Variants in FAT1 observed in about 807,000 individuals in gnomAD.
FAT1 encodes FAT atypical cadherin 1.
In FAT1, 171 loss-of-function variants were observed where a neutral mutation model predicts 329.8. That is an observed-to-expected ratio of 0.52 (90% CI 0.46 to 0.59). The LOEUF is 0.59. FAT1 is among the 20% of genes least tolerant of loss of function. The pLI is 0.00. For missense variants in FAT1, 5,672 were observed against 5,774.4 expected, an observed-to-expected ratio of 0.98 and a Z score of 0.57; for synonymous variants, 2,233 against 2,228.6, an observed-to-expected ratio of 1.00 and a Z score of -0.06.
chr4:186,598,178 C>A (rs188747847), intron 22 of FAT1, 53 bp from the exon 23 acceptor site: 1 of 1,483,448 alleles, frequency 6.7e-7, no homozygotes, highest in Non-Finnish European at 9.1e-7. Flanking sequence ...ACTCAGAAAC[C>A]TGGTCTTAAT....
chr4:186,622,281 C>T (rs1740083225), intron 9 of FAT1, among the ~76,000 whole-genome samples: 1 of 152,210 alleles, frequency 6.6e-6, no homozygotes, highest in Non-Finnish European at 1.5e-5. Flanking sequence ...TGTAACCCAC[C>T]CCACTTTACA....
In FAT1 at chr4:186,633,800, C is replaced by A. The variant is rs560351512; in HGVS notation, c.4207G>T (p.Asp1403Tyr). The A allele has an allele frequency of 6.2e-7, 1 of 1,613,856 alleles. No individual in the cohort carries two copies. Among genetic ancestry groups the A allele is most frequent in the South Asian group, 1.1e-5 (1 of 91,078 alleles). ...ATGGTTCCAGTTCCCTTGTCCACAT[C>A]GAAGTGACTGTCGTAGTTGCCACCT... ...ITGGNYDSHF[D>Y]VDKGTGTIIV... is the part of the protein sequence containing the mutation. The change falls in exon 7 of 27, where the codon GAT (aspartate) becomes TAT (tyrosine). Residue 1403 changes from aspartate to tyrosine, a missense_variant. Physicochemically the swap from Asp to Tyr is radical, Grantham distance 160. Coordinates refer to ENST00000441802, the MANE Select transcript of FAT1 (RefSeq NM_005245.4).
At chr4:186,656,885 A>C (rs1293782757) in intron 3 of FAT1, among the ~76,000 whole-genome samples, 4 of 152,242 alleles carry the variant, frequency 2.6e-5, no homozygotes, top group Admixed American at 2.6e-4. Flanking sequence ...TGGCACTTCT[A>C]AACTTAAAAA....
At chr4:186,689,560 A>AACATCACAAGAATTGCTTC (rs367996327) in intron 2 of FAT1, among the ~76,000 whole-genome samples, 3,280 of 152,316 alleles carry the variant, frequency 0.022, 113 homozygotes, top group African/African-American at 0.074. Context: ...ACACTCGCTT[A>AACATCACAAGAATTGCTTC]ACATCACAAG....
upstream of FAT1, chr4:186,726,678 C>G (rs327088): frequency 0.41 from 62,139 of 152,084 alleles, 16,105 homozygotes; most frequent in African/African-American, 0.74. Flanking sequence ...GTTGCGGCCG[C>G]CGGCTGCGGC....
In FAT1 at chr4:186,602,931, A is replaced by G. The variant is rs1738885170; in HGVS notation, c.11454T>C (p.Cys3818=). The G allele has an allele frequency of 6.2e-7, 1 of 1,613,852 alleles. No homozygotes were observed. Among genetic ancestry groups the G allele is most frequent in the Admixed American group, 1.7e-5 (1 of 60,006 alleles). Residue 3818 remains cysteine (C), a synonymous_variant, in exon 20 of 27, where the codon TGT becomes TGC. Coordinates refer to ENST00000441802, the MANE Select transcript of FAT1 (RefSeq NM_005245.4). ...GGCACTGACCAAACCTGCCGCTGGG[A>G]CAGACACAGGTGTGTTTCTCCTCCC... ...DPWEEKHTCV[C]PSGRFGQCPG...
chr4:186,642,445 A>C (rs974804181), intron 3 of FAT1, among the ~76,000 whole-genome samples: 1 of 152,236 alleles, frequency 6.6e-6, no homozygotes, highest in Non-Finnish European at 1.5e-5. Context: ...CTCAAGAAAC[A>C]CTTAAACGTG....
At chr4:186,598,380 A>G in intron 22 of FAT1, 2 of 357,210 alleles carry the variant, frequency 5.6e-6, no homozygotes. Context: ...TCACACATAT[A>G]GAGGAGGAAA....
chr4:186,671,707 AT>A (rs201268012), intron 2 of FAT1, among the ~76,000 whole-genome samples: 40 of 148,058 alleles, frequency 2.7e-4, no homozygotes, highest in African/African-American at 4.9e-4. Flanking sequence ...TCAAAAAAAA[AT>A]AAAAATAAAA....
chr4:186,692,477 T>C (rs1373059597), intron 2 of FAT1, among the ~76,000 whole-genome samples: 1 of 151,862 alleles, frequency 6.6e-6, no homozygotes, highest in Non-Finnish European at 1.5e-5. Flanking sequence ...CACGCCCGGC[T>C]AATTTTTTGT....
rs2126491382 is a variant in FAT1, at chr4:186,618,120, C to A, written c.8466G>T (p.Leu2822=). The change falls in exon 10 of 27, where the codon CTG becomes CTT. Residue 2822 remains leucine, a synonymous_variant. Coordinates refer to ENST00000441802, the MANE Select transcript of FAT1 (RefSeq NM_005245.4). ...TCTGAATTACTCTACTTCCCCCTGG[C>A]AGGTTTTCAACAATGAATGCCTCAT... The part of the protein sequence containing the change: ...SPYEAFIVEN[L]PGGSRVIQIR... The A allele has an allele frequency of 6.2e-7, 1 of 1,614,008 alleles. No homozygotes were observed. The highest frequency in any genetic ancestry group is 2.2e-5 in the East Asian group (1 of 44,882).
Position 186,701,920 on chromosome 4 carries a change from C to T in FAT1, c.3265+4643G>A, listed in dbSNP as rs55691049. Among the ~76,000 whole-genome samples the T allele has an allele frequency of 1.3e-3, 194 of 152,358 alleles. 1 individual carries two copies. Among genetic ancestry groups the T allele is most frequent in the Non-Finnish European group, 2.3e-3 (157 of 68,042 alleles). On this transcript the variant is annotated intron_variant, in intron 2 of 26. Transcript: ENST00000441802. ...GTTCCGTTCCCACTGTAGAAACGCA[C>T]TCACCTGTGTGCACCTAAGCCGGGC... is the stretch of plus-strand genomic sequence containing the variant.
intron 3 of FAT1, among the ~76,000 whole-genome samples, chr4:186,659,164 G>T (rs989203373): frequency 6.6e-6 from 1 of 152,134 alleles, no homozygotes; most frequent in South Asian, 2.1e-4. Flanking sequence ...CGGCATACAG[G>T]TCTATAGACT....
At chr4:186,692,536 T>A (rs1390866770) in intron 2 of FAT1, among the ~76,000 whole-genome samples, 1 of 152,112 alleles carries the variant, frequency 6.6e-6, no homozygotes, top group African/African-American at 2.4e-5. Flanking sequence ...ATGGTCTCGA[T>A]CTCCTGACCT....
At position 186,618,401 on chromosome 4, in the gene FAT1, G is replaced by T; in HGVS notation, c.8185C>A (p.His2729Asn). ...GTEIDLIRAE[H>N]SGTVLYSLVK... ...AGGCTGTAAAGAACAGTCCCACTAT[G>T]TTCTGCTCGGATGAGATCTATCTCT... The change falls in exon 10 of 27, where the codon CAT becomes AAT. Residue 2729 changes from histidine to asparagine, a missense_variant. By Grantham distance (68) the His-to-Asn change is moderately conservative. Transcript: ENST00000441802. 2.5e-6 allele frequency: 4 copies of T among 1,614,014 alleles called. No homozygotes were observed. Among genetic ancestry groups the T allele is most frequent in the Non-Finnish European group, 3.4e-6 (4 of 1,179,892 alleles).
In FAT1 at chr4:186,636,678, G is replaced by A. The variant is rs779121846; in HGVS notation, c.3879C>T (p.Asp1293=). The A allele has an allele frequency of 3.2e-5, 52 of 1,613,616 alleles. No individual in the cohort carries two copies. In the East Asian group the frequency reaches 3.3e-4, roughly 10 times the overall value. ...TGAAAAATTTGCCATGCTCATTCCC[G>A]TCTTCGATGCTGTAGGAGATTTCTG... ...PNAEISYSIE[D]GNEHGKFFIE... is the part of the protein sequence containing the mutation. The change falls in exon 5 of 27, where the codon GAC becomes GAT. Residue 1293 remains aspartate, a synonymous_variant. Transcript: ENST00000441802.
At chr4:186,685,060 A>G (rs940943036) in intron 2 of FAT1, among the ~76,000 whole-genome samples, 4 of 152,188 alleles carry the variant, frequency 2.6e-5, no homozygotes, top group Admixed American at 6.5e-5. Flanking sequence ...TCTCAAAGCC[A>G]GAGTGACACA....
chr4:186,639,877 T>C, intron 3 of FAT1, 94 bp from the exon 4 acceptor site: 1 of 1,071,694 alleles, frequency 9.3e-7, no homozygotes, highest in Non-Finnish European at 1.4e-6. Flanking sequence ...GTGCGGTAGC[T>C]CATGCCTTAA....
At chr4:186,633,623 C>G in intron 7 of FAT1, 61 bp downstream of exon 7, 4 of 1,598,396 alleles carry the variant, frequency 2.5e-6, no homozygotes, top group Non-Finnish European at 3.4e-6. Flanking sequence ...CCCGTGGACC[C>G]CTAAGTCAGA....
Sources: allele counts gnomAD v4.1 joint callset (sites outside exome capture counted in the v4.1 genomes callset), GRCh38; gene constraint gnomAD v4.1.1; transcripts MANE v1.5; gene names NCBI Gene and HGNC (gene_info 2026-07-23, HGNC 2026-07-21).